Variants in TNN observed in about 807,000 individuals in gnomAD.
The protein encoded by TNN is tenascin N, also known as tenascin-N.
Under a neutral mutation model 134.4 loss-of-function variants are expected in TNN, and 122 were observed. The ratio of observed to expected loss-of-function variants is 0.91; its 90% CI spans 0.78 to 1.06. TNN has a LOEUF of 1.06. TNN is among the 50% of genes least tolerant of loss of function. The pLI, the probability that TNN is intolerant of heterozygous loss-of-function variation, is 0.00. For synonymous variants in TNN, 710 were observed against 670.3 expected (o/e 1.06, Z -0.91); for missense variants, 1,739 against 1,699.4 (o/e 1.02, Z -0.41).
chr1:175,120,086 C>G (rs559722980), intron 11 of TNN, among the ~76,000 whole-genome samples: 1 of 152,112 alleles, frequency 6.6e-6, no homozygotes, highest in Non-Finnish European at 1.5e-5. Context: ...TAGGTTTGAC[C>G]GAATAGACGC....
chr1:175,116,745 C>T (rs2101834627), intron 9 of TNN, among the ~76,000 whole-genome samples, 194 bp from the exon 10 acceptor site: 1 of 152,220 alleles, frequency 6.6e-6, no homozygotes, highest in East Asian at 1.9e-4. Flanking sequence ...ATACCACTCT[C>T]CTGTGCTGCC....
intron 15 of TNN, among the ~76,000 whole-genome samples, chr1:175,132,846 C>T (rs1675709112): frequency 6.6e-6 from 1 of 152,262 alleles, no homozygotes; most frequent in African/African-American, 2.4e-5. Flanking sequence ...TAAATATGCA[C>T]TCCCATGTGG....
rs890463647 is a variant in TNN at position 175,118,667 on chromosome 1, C to T, written c.2493C>T (p.Tyr831=). 8 of 1,614,120 alleles carry T rather than the reference C, an allele frequency of 5.0e-6. No individual in the cohort carries two copies. Among genetic ancestry groups the T allele is most frequent in the Non-Finnish European group, 6.8e-6 (8 of 1,180,046 alleles). The change falls in exon 11 of 19, where the codon TAC becomes TAT. Residue 831 remains tyrosine, a synonymous_variant. Coordinates refer to ENST00000239462, the MANE Select transcript of TNN (RefSeq NM_022093.2). ...QATIDRYVVH[Y]TSANGETREV... ...CCATTGACAGGTATGTGGTGCACTA[C>T]ACGTCTGCCAACGGAGAGACCAGGG...
intron 6 of TNN, among the ~76,000 whole-genome samples, chr1:175,092,940 C>G (rs1674487194): frequency 6.6e-6 from 1 of 152,226 alleles, no homozygotes; most frequent in South Asian, 2.1e-4. Context: ...CACCATCTTG[C>G]ATATACACCA....
chr1:175,073,886 G>A (rs1673975727), intron 1 of TNN, among the ~76,000 whole-genome samples: 1 of 151,796 alleles, frequency 6.6e-6, no homozygotes. Context: ...CGCCCCCTTG[G>A]GGTGGCACAC....
intron 17 of TNN, among the ~76,000 whole-genome samples, chr1:175,142,718 A>G (rs1675969306): frequency 6.6e-6 from 1 of 152,122 alleles, no homozygotes; most frequent in Admixed American, 6.5e-5. Context: ...CCCGGATTCA[A>G]GCAATTCTTC....
chr1:175,094,108 T>G lies in TNN; in HGVS notation c.1443T>G (p.Asp481Glu), dbSNP rs1674511483. 1.9e-6 allele frequency: 3 copies of G among 1,614,084 alleles called. No individual in the cohort carries two copies. The highest frequency in any genetic ancestry group is 2.5e-6 in the Non-Finnish European group (3 of 1,180,032). The change falls in exon 7 of 19, where the codon GAT (aspartate) becomes GAG (glutamate). Residue 481 changes from aspartate (D) to glutamate (E), a missense_variant. Asp to Glu is a conservative substitution (Grantham distance 45). Coordinates refer to ENST00000239462, the MANE Select transcript of TNN (RefSeq NM_022093.2). ...DKYVVRYTSA[D>E]GDTKEMAVHK... The stretch of plus-strand genomic sequence containing the variant: ...ATGTAGTGCGCTACACTTCTGCTGA[T>G]GGGGACACCAAGGAAATGGCAGTGC...
chr1:175,087,380 G>A (rs2213851), intron 6 of TNN, among the ~76,000 whole-genome samples: 83,522 of 152,026 alleles, frequency 0.55, 23,557 homozygotes, highest in African/African-American at 0.69. Flanking sequence ...TAAGGTGAAC[G>A]TGGAGTAGCT....
Position 175,123,681 on chromosome 1 carries a change from G to A in TNN, c.2914+18G>A. ...CCAGACAGGTACTGAGAGGGACCAG[G>A]CCAGGGGAACACCTCACACTTATCA... On this transcript the variant is annotated intron_variant, in intron 12 of 18. Coordinates refer to ENST00000239462, the MANE Select transcript of TNN (RefSeq NM_022093.2). The A allele has an allele frequency of 6.2e-7, 1 of 1,613,670 alleles. No individual in the cohort carries two copies.
intron 1 of TNN, among the ~76,000 whole-genome samples, chr1:175,070,533 G>A (rs1332699075): frequency 2.6e-5 from 4 of 152,132 alleles, no homozygotes; most frequent in South Asian, 2.1e-4. Flanking sequence ...CTAGGAGAAT[G>A]GGGGGACAGA....
At chr1:175,144,257 G>A (rs925127875) in intron 17 of TNN, 130 bp from the exon 18 acceptor site, 5 of 817,788 alleles carry the variant, frequency 6.1e-6, no homozygotes, top group Non-Finnish European at 9.8e-6. Flanking sequence ...AGAGAGCGGT[G>A]ACTACCTGTG....
In TNN at chr1:175,098,424, T is replaced by A. The variant is rs2149433119; in HGVS notation, c.1948T>A (p.Tyr650Asn). The A allele has an allele frequency of 6.2e-7, 1 of 1,614,120 alleles. No individual in the cohort carries two copies. Among genetic ancestry groups the A allele is most frequent in the South Asian group, 1.1e-5 (1 of 91,074 alleles). The change falls in exon 9 of 19, where the codon TAC (tyrosine) becomes AAC (asparagine). Residue 650 changes from tyrosine (Y) to asparagine (N), a missense_variant. Coordinates refer to ENST00000239462, the MANE Select transcript of TNN (RefSeq NM_022093.2). ...WDPVQAAIDK[Y>N]VVRYTSAGGE... The stretch of plus-strand genomic sequence containing the variant: ...CCCGGTGCAGGCCGCCATTGACAAG[T>A]ACGTGGTGCGCTACACCTCTGCTGG...
chr1:175,111,915 T>C (rs1675038035), intron 9 of TNN, among the ~76,000 whole-genome samples: 1 of 152,212 alleles, frequency 6.6e-6, no homozygotes, highest in Non-Finnish European at 1.5e-5. Flanking sequence ...GTTTTCTATA[T>C]ATGAGATCAT....
chr1:175,086,827 T>C (rs1370358102), intron 6 of TNN, among the ~76,000 whole-genome samples: 3 of 152,190 alleles, frequency 2.0e-5, no homozygotes, highest in Non-Finnish European at 4.4e-5. Flanking sequence ...GGTTAGAAAA[T>C]GGTAAGTACT....
intron 10 of TNN, among the ~76,000 whole-genome samples, chr1:175,118,043 A>T (rs1675230606): frequency 6.6e-6 from 1 of 152,222 alleles, no homozygotes; most frequent in Admixed American, 6.5e-5. Context: ...AGCATTTTCC[A>T]CGTGCCCTGC....
At chr1:175,138,411 C>A (rs565062609) in intron 17 of TNN, among the ~76,000 whole-genome samples, 2 of 152,088 alleles carry the variant, frequency 1.3e-5, no homozygotes, top group South Asian at 2.1e-4. Flanking sequence ...CCCTGAGACC[C>A]AAATAAGTTC....
At chr1:175,114,092 G>A (rs995616152) in intron 9 of TNN, among the ~76,000 whole-genome samples, 1 of 152,094 alleles carries the variant, frequency 6.6e-6, no homozygotes, top group Non-Finnish European at 1.5e-5. Context: ...GAGTTATTAT[G>A]TTCCTTTGGT....
chr1:175,139,501 T>A (rs1558375835), intron 17 of TNN, among the ~76,000 whole-genome samples: 1 of 152,214 alleles, frequency 6.6e-6, no homozygotes, highest in African/African-American at 2.4e-5. Context: ...CCGCATCTTG[T>A]CCCGCTGGAA....
At chr1:175,100,729 G>C (rs573202873) in intron 9 of TNN, among the ~76,000 whole-genome samples, 60 of 152,080 alleles carry the variant, frequency 3.9e-4, no homozygotes, top group Non-Finnish European at 7.9e-4. Context: ...GTATTTTTAA[G>C]TATCTTCTAT....
Sources: gnomAD v4.1 joint callset for allele counts (sites outside exome capture counted in the v4.1 genomes callset) on GRCh38, gnomAD v4.1.1 for gene constraint, MANE v1.5 for transcripts, NCBI Gene and HGNC (gene_info 2026-07-23, HGNC 2026-07-21) for gene names.